The following GRID2 variants were observed in gnomAD, a reference collection of about 807,000 sequenced individuals.
GRID2 encodes glutamate receptor ionotropic, delta-2.
Under a neutral mutation model 114.8 loss-of-function variants are expected in GRID2, and 33 were observed. The ratio of observed to expected loss-of-function variants is 0.29; its 90% confidence interval spans 0.22 to 0.38. GRID2 has a LOEUF of 0.38. Among genes scored for constraint, GRID2 ranks in the 10% least tolerant of loss-of-function variants. GRID2 has a pLI of 1.00. For synonymous variants in GRID2, 505 were observed against 449.9 expected, an observed-to-expected ratio of 1.12 and a Z score of -1.55; for missense variants, 1,184 against 1,257.7, an observed-to-expected ratio of 0.94 and a Z score of 0.89.
At chr4:92,335,997 C>T (rs923462065) in intron 1 of GRID2, among the ~76,000 whole-genome samples, 3 of 152,110 alleles carry the variant, frequency 2.0e-5, no homozygotes, top group African/African-American at 7.2e-5. Flanking sequence ...AATTAAATTG[C>T]TGCATAATTT....
intron 2 of GRID2, among the ~76,000 whole-genome samples, chr4:92,748,487 T>C (rs189388089): frequency 5.3e-5 from 8 of 152,184 alleles, no homozygotes; most frequent in Non-Finnish European, 1.0e-4. Context: ...GTAGTAAATG[T>C]TTTGCAGCCA....
At chr4:92,537,930 C>CCTCT (rs1414470049) in intron 1 of GRID2, among the ~76,000 whole-genome samples, 1 of 151,266 alleles carries the variant, frequency 6.6e-6, no homozygotes, top group East Asian at 2.0e-4. Flanking sequence ...GATTGAAAAC[C>CCTCT]CTCTCTCCAT....
At chr4:92,511,843 G>T (rs933916535) in intron 1 of GRID2, among the ~76,000 whole-genome samples, 3 of 151,822 alleles carry the variant, frequency 2.0e-5, no homozygotes, top group Non-Finnish European at 4.4e-5. Flanking sequence ...CTAGTTTAAT[G>T]ATTTTAACTA....
rs891629866 is a variant in GRID2 at position 92,412,138 on chromosome 4, G to T, written c.88+107394G>T. Among the ~76,000 whole-genome samples the T allele has an allele frequency of 5.3e-5, 8 of 149,964 alleles. No homozygotes were observed. The East Asian group carries it at 1.2e-3, about 22-fold the overall frequency. ...GTGCCTGTGTGTGTGTGTGTGTGTGGTGTGTGTGTTCAATTGGCTCTTGTG... is the reference window on the plus strand; with the variant it reads ...GTGCCTGTGTGTGTGTGTGTGTGTGTTGTGTGTGTTCAATTGGCTCTTGTG... On this transcript the variant is annotated intron_variant, in intron 1 of 15. Coordinates refer to ENST00000282020, the MANE Select transcript of GRID2 (RefSeq NM_001510.4).
chr4:92,787,267 C>T (rs1176901614), intron 2 of GRID2, among the ~76,000 whole-genome samples: 1 of 151,664 alleles, frequency 6.6e-6, no homozygotes, highest in South Asian at 2.1e-4. Flanking sequence ...TGACCCAAAA[C>T]AAACATAAAA....
intron 4 of GRID2, among the ~76,000 whole-genome samples, chr4:93,203,746 G>C (rs1471966288): frequency 2.6e-5 from 4 of 152,146 alleles, no homozygotes; most frequent in Non-Finnish European, 4.4e-5. Context: ...TGTCAGCTCA[G>C]CACTACAGCA....
intron 2 of GRID2, among the ~76,000 whole-genome samples, chr4:92,910,098 T>G (rs1748255151): frequency 6.6e-6 from 1 of 151,964 alleles, no homozygotes; most frequent in South Asian, 2.1e-4. Context: ...TGGTGAGAAA[T>G]TTAAAGCCAT....
intron 14 of GRID2, among the ~76,000 whole-genome samples, chr4:93,692,256 T>C (rs1380912712): frequency 2.6e-5 from 4 of 152,050 alleles, no homozygotes; most frequent in African/African-American, 4.8e-5. Context: ...CTTACTGATA[T>C]GCCATTTGAA....
chr4:93,636,521 T>C (rs1481883882), intron 14 of GRID2, among the ~76,000 whole-genome samples: 2 of 152,130 alleles, frequency 1.3e-5, no homozygotes, highest in Non-Finnish European at 2.9e-5. Flanking sequence ...TATAGTTAAA[T>C]CACATTTTTA....
chr4:93,349,848 A>T (rs2149259056), intron 8 of GRID2, among the ~76,000 whole-genome samples: 1 of 152,230 alleles, frequency 6.6e-6, no homozygotes, highest in Admixed American at 6.6e-5. Flanking sequence ...TTAAACTCAG[A>T]TAAGTAGACA....
At chr4:92,957,145 CTTAATT>C (rs1434282019) in intron 2 of GRID2, among the ~76,000 whole-genome samples, 4 of 152,016 alleles carry the variant, frequency 2.6e-5, no homozygotes, top group African/African-American at 2.4e-5. Context: ...AGCAGAAATT[CTTAATT>C]TTAATTAAGT....
rs1393810257 is a variant in GRID2, at chr4:93,283,499, TAAC to T, written c.1245+45012_1245+45014del. ...TCCTGAATACACAACCCAGAAAAGA[TAAC>T]AAAATATCTGAGAATGAAGCCTAGG... On this transcript the variant is annotated intron_variant, in intron 8 of 15. Coordinates refer to ENST00000282020, the MANE Select transcript of GRID2 (RefSeq NM_001510.4). Among the ~76,000 whole-genome samples the T allele has an allele frequency of 4.6e-5, 7 of 152,114 alleles. No homozygotes were observed. In the East Asian group the frequency reaches 1.4e-3, roughly 30 times the overall value.
chr4:93,397,055 G>A (rs1445465433), intron 9 of GRID2, among the ~76,000 whole-genome samples: 2 of 151,908 alleles, frequency 1.3e-5, no homozygotes, highest in Non-Finnish European at 2.9e-5. Flanking sequence ...CTAATTGGAT[G>A]TTCATCAAAT....
chr4:92,730,752 A>G (rs1263064312), intron 2 of GRID2, among the ~76,000 whole-genome samples: 5 of 151,968 alleles, frequency 3.3e-5, no homozygotes, highest in African/African-American at 4.8e-5. Flanking sequence ...TGAGGTGCCA[A>G]TAGAGATAAG....
chr4:92,417,142 A>C (rs931886286), intron 1 of GRID2, among the ~76,000 whole-genome samples: 4 of 152,124 alleles, frequency 2.6e-5, no homozygotes, highest in Admixed American at 1.3e-4. Context: ...CTGCAAGTTT[A>C]TATTGGCAAT....
intron 1 of GRID2, among the ~76,000 whole-genome samples, chr4:92,428,902 C>T (rs1732296188): frequency 6.6e-6 from 1 of 152,046 alleles, no homozygotes; most frequent in South Asian, 2.1e-4. Flanking sequence ...TTCTGGGATA[C>T]ATGTGCAGAA....
At chr4:92,426,438 G>GA (rs1274178326) in intron 1 of GRID2, among the ~76,000 whole-genome samples, 1 of 152,112 alleles carries the variant, frequency 6.6e-6, no homozygotes, top group Admixed American at 6.5e-5. Context: ...AATAATTGTA[G>GA]ATGTCTACCT....
At chr4:92,763,778 G>C (rs1483754230) in intron 2 of GRID2, among the ~76,000 whole-genome samples, 1 of 152,186 alleles carries the variant, frequency 6.6e-6, no homozygotes, top group South Asian at 2.1e-4. Context: ...CACAGTGAAA[G>C]AGGGAGAGAG....
chr4:93,506,453 T>C (rs1728637976), intron 12 of GRID2, among the ~76,000 whole-genome samples: 1 of 152,080 alleles, frequency 6.6e-6, no homozygotes, highest in Admixed American at 6.6e-5. Context: ...TTTAAACAGT[T>C]CTAAAAAAAT....
Sources: allele counts gnomAD v4.1 joint callset (sites outside exome capture counted in the v4.1 genomes callset), GRCh38; gene constraint gnomAD v4.1.1; transcripts MANE v1.5; gene names NCBI Gene and HGNC (gene_info 2026-07-23, HGNC 2026-07-21).